Variants in MITF observed in about 807,000 individuals in gnomAD.
MITF encodes the protein microphthalmia-associated transcription factor.
MITF carries 17 observed loss-of-function variants against 60.5 expected under a neutral mutation model. That is an observed-to-expected ratio of 0.28 (90% confidence interval 0.19 to 0.42). MITF has a LOEUF of 0.42. Among genes scored for constraint, MITF ranks in the 10% least tolerant of loss-of-function variants. MITF has a pLI of 1.00. For missense variants in MITF, 622 were observed against 683.5 expected (o/e 0.91, Z 1.00); for synonymous variants, 260 against 248.5 (o/e 1.05, Z -0.43).
chr3:69,819,235 C>T (rs2063228541), intron 1 of MITF, among the ~76,000 whole-genome samples: 1 of 152,126 alleles, frequency 6.6e-6, no homozygotes, highest in Non-Finnish European at 1.5e-5. Context: ...CCTCAAAGGC[C>T]CATCCTAAAA....
intron 3 of MITF, 92 bp downstream of exon 3, chr3:69,938,141 T>A (rs944503677): frequency 7.1e-7 from 1 of 1,398,884 alleles, no homozygotes; most frequent in Non-Finnish European, 1.0e-6. Context: ...GACTCTAGTT[T>A]GTCCTTGTGG....
At chr3:69,942,963 A>G (rs2107495427) in intron 5 of MITF, among the ~76,000 whole-genome samples, 1 of 152,230 alleles carries the variant, frequency 6.6e-6, no homozygotes, top group Middle Eastern at 3.4e-3. Context: ...GGCACACTCA[A>G]GTGAACTGTA....
chr3:69,809,335 G>C (rs1390856776), intron 1 of MITF, among the ~76,000 whole-genome samples: 1 of 152,116 alleles, frequency 6.6e-6, no homozygotes, highest in Non-Finnish European at 1.5e-5. Flanking sequence ...TTCTTACCCT[G>C]ATCTCTGCTC....
intron 2 of MITF, among the ~76,000 whole-genome samples, chr3:69,913,751 C>G (rs551147254): frequency 2.6e-5 from 4 of 152,234 alleles, no homozygotes; most frequent in African/African-American, 9.6e-5. Flanking sequence ...ATCATCCTAA[C>G]GAACGTATTA....
At chr3:69,843,548 T>A (rs2063676894) in intron 1 of MITF, among the ~76,000 whole-genome samples, 1 of 152,186 alleles carries the variant, frequency 6.6e-6, no homozygotes, top group East Asian at 1.9e-4. Context: ...GGGGTGTCTG[T>A]CTTGTGGGTG....
At chr3:69,768,523 G>T (rs887031035) in intron 1 of MITF, among the ~76,000 whole-genome samples, 1 of 152,200 alleles carries the variant, frequency 6.6e-6, no homozygotes, top group Admixed American at 6.5e-5. Context: ...TTGAGTTCCT[G>T]ATCCAAGAAG....
chr3:69,780,848 C>A (rs2062551468), intron 1 of MITF, among the ~76,000 whole-genome samples: 2 of 152,182 alleles, frequency 1.3e-5, no homozygotes, highest in Non-Finnish European at 2.9e-5. Flanking sequence ...TTAGTTAATG[C>A]AAGTTGCTCC....
chr3:69,840,395 G>C (rs1446156873), intron 1 of MITF, among the ~76,000 whole-genome samples: 1 of 152,156 alleles, frequency 6.6e-6, no homozygotes, highest in Non-Finnish European at 1.5e-5. Context: ...CAGGAGTCTT[G>C]ATGGAAGGCT....
intron 1 of MITF, 110 bp downstream of exon 1, chr3:69,739,811 G>A: frequency 1.3e-6 from 1 of 798,376 alleles, no homozygotes. Context: ...AGGACCCAGT[G>A]CCCTTGCCCC....
At chr3:69,801,465 T>C (rs760494009) in intron 1 of MITF, among the ~76,000 whole-genome samples, 23 of 152,190 alleles carry the variant, frequency 1.5e-4, no homozygotes, top group Non-Finnish European at 3.1e-4. Context: ...AAATGCGTAA[T>C]GAATACTTTA....
intron 4 of MITF, among the ~76,000 whole-genome samples, chr3:69,940,641 G>A (rs1429388272): frequency 6.6e-6 from 1 of 152,166 alleles, no homozygotes; most frequent in Non-Finnish European, 1.5e-5. Flanking sequence ...GATAGCCAGT[G>A]GCCTGGGAGC....
At chr3:69,792,210 T>C (rs2062751501) in intron 1 of MITF, among the ~76,000 whole-genome samples, 1 of 152,224 alleles carries the variant, frequency 6.6e-6, no homozygotes, top group African/African-American at 2.4e-5. Context: ...TAAACTGTGT[T>C]GCTAGCTGAA....
At chr3:69,958,479 T>G (rs1464113262) in intron 8 of MITF, among the ~76,000 whole-genome samples, 2 of 152,092 alleles carry the variant, frequency 1.3e-5, no homozygotes, top group East Asian at 3.9e-4. Flanking sequence ...GGTGACTTGT[T>G]TAATGACCCT....
rs542141862 is a variant in MITF, at chr3:69,755,433, G to GTTTTT, written c.104+15766_104+15770dup. ...ATCTTTGTATCTTTTACCCTTCTGG[G>GTTTTT]TTTTTTTTTTTTTTTTTTTTTTTTT... On this transcript the variant is annotated intron_variant, in intron 1 of 9. Coordinates refer to ENST00000352241, the MANE Select transcript of MITF (RefSeq NM_001354604.2). 1.0e-3 allele frequency among the ~76,000 whole-genome samples: 37 copies of GTTTTT among 35,426 alleles called. 5 individuals carry two copies. Among genetic ancestry groups the GTTTTT allele is most frequent in the African/African-American group, 3.6e-3 (26 of 7,258 alleles). The allele number at this position is 35,426 out of a possible 152,430, so 23.2% of individuals were successfully genotyped here.
chr3:69,930,721 G>C (rs2065702177), intron 2 of MITF, among the ~76,000 whole-genome samples: 1 of 152,228 alleles, frequency 6.6e-6, no homozygotes, highest in African/African-American at 2.4e-5. Context: ...CCCTGGACCG[G>C]CTGGGTCAGC....
chr3:69,827,654 A>G (rs540804008), intron 1 of MITF, among the ~76,000 whole-genome samples: 3 of 152,324 alleles, frequency 2.0e-5, no homozygotes, highest in Non-Finnish European at 2.9e-5. Flanking sequence ...TGGCTCAGTC[A>G]TGTTTTAAAC....
At chr3:69,803,596 T>C (rs1178736624) in intron 1 of MITF, among the ~76,000 whole-genome samples, 1 of 152,096 alleles carries the variant, frequency 6.6e-6, no homozygotes, top group African/African-American at 2.4e-5. Context: ...TAAAAAAAGG[T>C]TGAATTGAAT....
rs189988796 is a variant in MITF, at chr3:69,963,642, G to C, written c.1180-1205G>C. Among the ~76,000 whole-genome samples, 200 of 152,290 alleles carry C rather than the reference G, an allele frequency of 1.3e-3. 2 individuals are homozygous for C. Among genetic ancestry groups the C allele is most frequent in the African/African-American group, 4.7e-3 (197 of 41,556 alleles). On this transcript the variant is annotated intron_variant, in intron 9 of 9. Transcript: ENST00000352241. ...CTTCTAAAGTCTTGGAATCAGATTG[G>C]ACACCATCACCCCATCGCCCTTGTT...
intron 1 of MITF, among the ~76,000 whole-genome samples, chr3:69,818,717 T>A (rs2063219694): frequency 6.6e-6 from 1 of 152,164 alleles, no homozygotes; most frequent in Non-Finnish European, 1.5e-5. Flanking sequence ...ATACTTAAAA[T>A]TTTTAATGGA....
Sources: gnomAD v4.1 joint callset for allele counts (sites outside exome capture counted in the v4.1 genomes callset) on GRCh38, gnomAD v4.1.1 for gene constraint, MANE v1.5 for transcripts, NCBI Gene and HGNC (gene_info 2026-07-23, HGNC 2026-07-21) for gene names.